The following GPC5 variants were observed in gnomAD, a reference collection of about 807,000 sequenced individuals.
GPC5 encodes the protein glypican 5, also known as glypican-5.
Under a neutral mutation model 53.9 loss-of-function variants are expected in GPC5, and 47 were observed. The observed-to-expected ratio is 0.87, with a 90% confidence interval of 0.69 to 1.11. The LOEUF (loss-of-function observed/expected upper bound fraction) is 1.11, where lower values mean the gene tolerates loss of function less well. GPC5 is among the 50% of genes most tolerant of loss of function. The pLI, the probability that GPC5 is intolerant of heterozygous loss-of-function variation, is 0.00. For synonymous variants in GPC5, 286 were observed against 263.3 expected (o/e 1.09, Z -0.84); for missense variants, 748 against 713.1 (o/e 1.05, Z -0.56).
chr13:91,519,962 T>C (rs1201959837), intron 2 of GPC5, among the ~76,000 whole-genome samples: 2 of 151,870 alleles, frequency 1.3e-5, no homozygotes, highest in Non-Finnish European at 2.9e-5. Context: ...GAAAATGTAA[T>C]AAAATAAGAT....
chr13:91,453,001 A>G (rs1456793570), intron 2 of GPC5, among the ~76,000 whole-genome samples: 1 of 151,040 alleles, frequency 6.6e-6, no homozygotes, highest in East Asian at 1.9e-4. Flanking sequence ...TTCCAGTTAT[A>G]TATATAACTG....
chr13:91,898,877 C>T (rs2039469871), intron 5 of GPC5, among the ~76,000 whole-genome samples: 1 of 152,020 alleles, frequency 6.6e-6, no homozygotes, highest in African/African-American at 2.4e-5. Context: ...TACTCTTAAG[C>T]ATCAACAAAA....
At chr13:92,777,237 G>A (rs1203566978) in intron 7 of GPC5, among the ~76,000 whole-genome samples, 1 of 151,234 alleles carries the variant, frequency 6.6e-6, no homozygotes, top group Non-Finnish European at 1.5e-5. Context: ...TCAGGAAGCT[G>A]AGGCAGGAGA....
intron 7 of GPC5, among the ~76,000 whole-genome samples, chr13:92,172,693 G>T (rs1447015049): frequency 6.6e-6 from 1 of 152,062 alleles, no homozygotes; most frequent in Non-Finnish European, 1.5e-5. Context: ...TTTATAAAAG[G>T]AGAGTTCTTC....
chr13:92,758,591 T>C (rs926665636), intron 7 of GPC5, among the ~76,000 whole-genome samples: 16 of 152,212 alleles, frequency 1.1e-4, no homozygotes, highest in African/African-American at 3.9e-4. Flanking sequence ...GAGTGGCCAT[T>C]CTTTGGCTGT....
chr13:92,576,488 C>T lies in GPC5; in HGVS notation c.1562-289794C>T, dbSNP rs115372427. On this transcript the variant is annotated intron_variant, in intron 7 of 7. Coordinates refer to ENST00000377067, the MANE Select transcript of GPC5 (RefSeq NM_004466.6). ...GTTTTACAAATGAGAAGCTGTGTGG[C>T]ACTTCTGCTAGAGCAAGGTGTTCAT... Among the ~76,000 whole-genome samples the T allele has an allele frequency of 4.0e-3, 604 of 152,300 alleles. 6 individuals are homozygous for T. Among genetic ancestry groups the T allele is most frequent in the African/African-American group, 0.014 (568 of 41,564 alleles).
At chr13:92,015,313 T>C (rs1450025424) in intron 6 of GPC5, among the ~76,000 whole-genome samples, 1 of 152,188 alleles carries the variant, frequency 6.6e-6, no homozygotes, top group East Asian at 1.9e-4. Flanking sequence ...ACCAGTGATA[T>C]GGTTCTAACT....
chr13:92,157,283 G>A (rs1220468929), intron 7 of GPC5, among the ~76,000 whole-genome samples: 2 of 152,188 alleles, frequency 1.3e-5, no homozygotes, highest in Non-Finnish European at 2.9e-5. Context: ...TACAGTAGGG[G>A]AAAGAGAGAG....
chr13:91,514,166 G>C (rs1326252427), intron 2 of GPC5, among the ~76,000 whole-genome samples: 1 of 152,142 alleles, frequency 6.6e-6, no homozygotes. Flanking sequence ...AAATTCCCAA[G>C]AGGAAAATTG....
chr13:92,683,750 T>A (rs1887172927), intron 7 of GPC5, among the ~76,000 whole-genome samples: 1 of 152,190 alleles, frequency 6.6e-6, no homozygotes. Flanking sequence ...ATATTACTTT[T>A]TGAGCTGTTT....
At chr13:92,074,719 G>GT (rs779931054) in intron 6 of GPC5, among the ~76,000 whole-genome samples, 2 of 152,162 alleles carry the variant, frequency 1.3e-5, no homozygotes, top group Non-Finnish European at 2.9e-5. Flanking sequence ...GAAGGTATTT[G>GT]TAACCCTCGA....
intron 7 of GPC5, among the ~76,000 whole-genome samples, chr13:92,771,189 C>G (rs979281983): frequency 3.7e-4 from 56 of 152,220 alleles, no homozygotes; most frequent in African/African-American, 1.3e-3. Flanking sequence ...TTCTCTAACA[C>G]CATCCTGTTG....
chr13:92,091,918 C>A (rs1478268176), intron 6 of GPC5, among the ~76,000 whole-genome samples: 2 of 152,130 alleles, frequency 1.3e-5, no homozygotes, highest in East Asian at 3.8e-4. Context: ...TCCTAAAACA[C>A]CAACAGATTT....
intron 6 of GPC5, among the ~76,000 whole-genome samples, chr13:92,062,539 A>G (rs966286209): frequency 6.6e-6 from 1 of 152,018 alleles, no homozygotes; most frequent in East Asian, 1.9e-4. Context: ...TTCAAGTTTT[A>G]TTCTAATGAA....
In GPC5 at chr13:91,448,750, G is replaced by A. The variant is rs1880972471; in HGVS notation, c.164-11G>A. 5 of 1,608,118 alleles carry A rather than the reference G, an allele frequency of 3.1e-6. No individual in the cohort carries two copies. The highest frequency in any genetic ancestry group is 2.7e-5 in the African/African-American group (2 of 74,414). On this transcript the variant is annotated splice_polypyrimidine_tract_variant and intron_variant, in intron 1 of 7. Transcript: ENST00000377067. ...ACAGGTAATCATTCTGAAAAATGTTGTGTGTTCCAGGACCTGATCTTCAGG... is the reference window on the plus strand; with the variant it reads ...ACAGGTAATCATTCTGAAAAATGTTATGTGTTCCAGGACCTGATCTTCAGG...
chr13:92,213,127 A>G (rs887555072), intron 7 of GPC5, among the ~76,000 whole-genome samples: 4 of 152,228 alleles, frequency 2.6e-5, no homozygotes, highest in Non-Finnish European at 2.9e-5. Flanking sequence ...CTCAAAGCTC[A>G]GGTTTCTCAG....
chr13:92,104,901 T>C (rs1403215754), intron 6 of GPC5, among the ~76,000 whole-genome samples: 2 of 152,176 alleles, frequency 1.3e-5, no homozygotes, highest in South Asian at 2.1e-4. Context: ...AGTGATGTCA[T>C]AGATGACAAC....
chr13:92,329,839 G>C (rs1268398998), intron 7 of GPC5, among the ~76,000 whole-genome samples: 1 of 152,108 alleles, frequency 6.6e-6, no homozygotes. Flanking sequence ...GTAATCAAAT[G>C]AAGATGTGAA....
chr13:92,230,172 T>C (rs2042519523), intron 7 of GPC5, among the ~76,000 whole-genome samples: 2 of 152,302 alleles, frequency 1.3e-5, no homozygotes, highest in Admixed American at 1.3e-4. Context: ...GCAAGTCATA[T>C]GCACTGGCTT....
Sources: gnomAD v4.1 joint callset for allele counts (sites outside exome capture counted in the v4.1 genomes callset) on GRCh38, gnomAD v4.1.1 for gene constraint, MANE v1.5 for transcripts, NCBI Gene and HGNC (gene_info 2026-07-23, HGNC 2026-07-21) for gene names.